The following MYRIP variants were observed in gnomAD, a reference collection of about 807,000 sequenced individuals.
MYRIP encodes the protein rab effector MyRIP.
In MYRIP, 49 loss-of-function variants were observed where a neutral mutation model predicts 98.0. The observed-to-expected ratio is 0.50, with a 90% confidence interval of 0.40 to 0.63. The LOEUF (loss-of-function observed/expected upper bound fraction) is 0.63. MYRIP is among the 30% of genes least tolerant of loss of function. The pLI, the probability that MYRIP is intolerant of heterozygous loss-of-function variation, is 0.00. For synonymous variants in MYRIP, 404 were observed against 409.5 expected, an observed-to-expected ratio of 0.99 and a Z score of 0.16; for missense variants, 1,004 against 1,058.2, an observed-to-expected ratio of 0.95 and a Z score of 0.71.
At chr3:40,162,475 G>T (rs1311802641) in intron 4 of MYRIP, among the ~76,000 whole-genome samples, 2 of 152,252 alleles carry the variant, frequency 1.3e-5, no homozygotes, top group South Asian at 2.1e-4. Context: ...ACTCCATATT[G>T]CCTGCAAAGA....
intron 2 of MYRIP, among the ~76,000 whole-genome samples, chr3:40,041,022 GAAAAA>G: frequency 4.9e-5 from 2 of 41,210 alleles, no homozygotes; most frequent in East Asian, 6.7e-4. Context: ...ATTACCAGCA[GAAAAA>G]AAAAAAAAAA....
intron 2 of MYRIP, among the ~76,000 whole-genome samples, chr3:40,022,013 T>C (rs1302189929): frequency 6.6e-6 from 1 of 152,236 alleles, no homozygotes; most frequent in African/African-American, 2.4e-5. Context: ...AAAGGAAGAA[T>C]TGATCAAATG....
rs949669050 is a variant in MYRIP, at chr3:40,160,027, G to A, written c.470-2703G>A. ...GTCATTCTCCGTCCAGCTTTGTTCC[G>A]TTGCTGGTGAGGAACTGTGTTCCTT... On this transcript the variant is annotated intron_variant, in intron 4 of 16. Transcript: ENST00000302541. Among the ~76,000 whole-genome samples the A allele has an allele frequency of 6.3e-4, 96 of 152,240 alleles. 1 individual carries two copies. The highest frequency in any genetic ancestry group is 1.7e-3 in the African/African-American group (72 of 41,544).
intron 1 of MYRIP, among the ~76,000 whole-genome samples, chr3:39,840,967 T>C (rs533293630): frequency 6.6e-6 from 1 of 152,300 alleles, no homozygotes; most frequent in Non-Finnish European, 1.5e-5. Flanking sequence ...AGGAGTATCT[T>C]TGTGGTGTTC....
intron 7 of MYRIP, among the ~76,000 whole-genome samples, chr3:40,168,809 G>A (rs1046567431): frequency 5.3e-5 from 8 of 152,168 alleles, no homozygotes; most frequent in African/African-American, 1.4e-4. Flanking sequence ...GTCACACATC[G>A]AGCCCAAAGC....
chr3:40,055,918 G>A lies in MYRIP; in HGVS notation c.332+11647G>A, dbSNP rs567484225. 8.5e-5 allele frequency among the ~76,000 whole-genome samples: 13 copies of A among 152,152 alleles called. 1 individual carries two copies. In the South Asian group the frequency reaches 1.5e-3, roughly 17 times the overall value. ...TAATACAGAAATAAGAGAATTAATC[G>A]AAAATGACTAAATCCATGCCATGAA... On this transcript the variant is annotated intron_variant, in intron 3 of 16. Coordinates refer to ENST00000302541, the MANE Select transcript of MYRIP (RefSeq NM_015460.4).
At chr3:39,836,431 G>A (rs183552300) in intron 1 of MYRIP, among the ~76,000 whole-genome samples, 5 of 152,226 alleles carry the variant, frequency 3.3e-5, no homozygotes, top group African/African-American at 1.2e-4. Flanking sequence ...CCCACTTTTG[G>A]ATGGGGTTGT....
intron 1 of MYRIP, among the ~76,000 whole-genome samples, chr3:39,860,767 A>G (rs892027801): frequency 2.0e-5 from 3 of 151,804 alleles, no homozygotes; most frequent in African/African-American, 7.3e-5. Flanking sequence ...GCCCACGGCC[A>G]CTCCCCACAT....
chr3:40,172,941 G>A (rs1342009221), intron 8 of MYRIP, among the ~76,000 whole-genome samples: 1 of 152,118 alleles, frequency 6.6e-6, no homozygotes, highest in Non-Finnish European at 1.5e-5. Context: ...TTGCACTAAA[G>A]AGACCTCACC....
rs539520157 is a variant in MYRIP, at chr3:40,158,546, A to G, written c.470-4184A>G. Among the ~76,000 whole-genome samples, 231 of 152,076 alleles carry G rather than the reference A, an allele frequency of 1.5e-3. 1 individual carries two copies. Among genetic ancestry groups the G allele is most frequent in the African/African-American group, 5.4e-3 (224 of 41,442 alleles). ...GCAGAGCTGAGTTCAATTCCTGGGTATCCTTGTTGACTTCCTGTCTCGTTG... is the reference window on the plus strand; with the variant it reads ...GCAGAGCTGAGTTCAATTCCTGGGTGTCCTTGTTGACTTCCTGTCTCGTTG... On this transcript the variant is annotated intron_variant, in intron 4 of 16. Transcript: ENST00000302541.
At chr3:40,137,653 A>C (rs1301889519) in intron 3 of MYRIP, among the ~76,000 whole-genome samples, 1 of 152,118 alleles carries the variant, frequency 6.6e-6, no homozygotes, top group African/African-American at 2.4e-5. Flanking sequence ...CTGGCAAACC[A>C]AATCCAGCAG....
rs1277606545 is a variant in MYRIP, at chr3:40,209,912, TCA to T, written c.1727_1728del (p.Thr576ArgfsTer20). 1 of 1,613,866 alleles carries T rather than the reference TCA, an allele frequency of 6.2e-7. No individual in the cohort carries two copies. The highest frequency in any genetic ancestry group is 8.5e-7 in the Non-Finnish European group (1 of 1,179,932). Reference sequence around the variant, plus strand: ...AATGAGGCTCGGGATCCCCAGACTCTCACAGACACCACAGAGGAGAAACGGAG... The same window carrying T: ...AATGAGGCTCGGGATCCCCAGACTCTCAGACACCACAGAGGAGAAACGGAG... On this transcript the variant is annotated frameshift_variant, in exon 11 of 17. Transcript: ENST00000302541. LOFTEE classifies it high-confidence loss of function.
intron 2 of MYRIP, among the ~76,000 whole-genome samples, chr3:39,913,366 T>C (rs139342925): frequency 9.3e-4 from 141 of 152,276 alleles, no homozygotes; most frequent in Admixed American, 1.8e-3. Context: ...CAAAACACAT[T>C]AGTTTTGTCA....
At chr3:39,926,318 T>C (rs949010121) in intron 2 of MYRIP, among the ~76,000 whole-genome samples, 3 of 152,166 alleles carry the variant, frequency 2.0e-5, no homozygotes, top group Non-Finnish European at 1.5e-5. Flanking sequence ...TCTTTTGTTG[T>C]ACAAAAACTC....
intron 1 of MYRIP, among the ~76,000 whole-genome samples, chr3:39,893,639 A>G (rs562558375): frequency 6.6e-6 from 1 of 151,820 alleles, no homozygotes; most frequent in Non-Finnish European, 1.5e-5. Context: ...CACTGTGAAC[A>G]TTTGGCATGA....
At position 39,877,192 on chromosome 3, in the gene MYRIP, C is replaced by T. The variant is rs558058510; in HGVS notation, c.-30-23595C>T. On this transcript the variant is annotated intron_variant, in intron 1 of 16. Transcript: ENST00000302541. Reference sequence around the variant, plus strand: ...TCTCGAGCCTTGGTTTTCAGCTCCACCAGCTCCTTTAAGCACTTCTCTGTA... The same window carrying T: ...TCTCGAGCCTTGGTTTTCAGCTCCATCAGCTCCTTTAAGCACTTCTCTGTA... Among the ~76,000 whole-genome samples the T allele has an allele frequency of 3.2e-3, 488 of 152,298 alleles. 6 individuals are homozygous for T. The highest frequency in any genetic ancestry group is 5.7e-3 in the Non-Finnish European group (388 of 68,034).
At chr3:39,904,523 A>G (rs1943828225) in intron 2 of MYRIP, among the ~76,000 whole-genome samples, 1 of 152,034 alleles carries the variant, frequency 6.6e-6, no homozygotes, top group Non-Finnish European at 1.5e-5. Flanking sequence ...GCCATGAGCC[A>G]CTGCGCCTGG....
chr3:40,039,251 C>T (rs1478443140), intron 2 of MYRIP, among the ~76,000 whole-genome samples: 1 of 152,096 alleles, frequency 6.6e-6, no homozygotes, highest in Non-Finnish European at 1.5e-5. Flanking sequence ...GACCATGCCT[C>T]AAACAATCTA....
chr3:39,870,257 A>G (rs1169957542), intron 1 of MYRIP, among the ~76,000 whole-genome samples: 9 of 152,132 alleles, frequency 5.9e-5, no homozygotes, highest in Non-Finnish European at 1.0e-4. Flanking sequence ...TGAAAGAGGG[A>G]AGAAGGAGAG....
Sources: gnomAD v4.1 joint callset for allele counts (sites outside exome capture counted in the v4.1 genomes callset) on GRCh38, gnomAD v4.1.1 for gene constraint, MANE v1.5 for transcripts, NCBI Gene and HGNC (gene_info 2026-07-23, HGNC 2026-07-21) for gene names.